METAP1D: variants seen among roughly 807,000 people sequenced by gnomAD.
METAP1D encodes the protein methionine aminopeptidase 1D, mitochondrial.
Under a neutral mutation model 40.5 loss-of-function variants are expected in METAP1D, and 31 were observed. The ratio of observed to expected loss-of-function variants is 0.77; its 90% CI spans 0.58 to 1.03. METAP1D has a LOEUF of 1.03. Among genes scored for constraint, METAP1D ranks in the 50% least tolerant of loss-of-function variants. METAP1D has a pLI of 0.00. For missense variants in METAP1D, 411 were observed against 420.7 expected (o/e 0.98, Z 0.20); for synonymous variants, 151 against 146.4 (o/e 1.03, Z -0.22).
chr2:172,080,047 C>T, intron 8 of METAP1D, 81 bp from the exon 9 acceptor site: 1 of 1,315,704 alleles, frequency 7.6e-7, no homozygotes. Context: ...GGAGAAACTT[C>T]TCTTTTTTAA....
At chr2:172,059,547 G>T (rs1690084923) in intron 1 of METAP1D, among the ~76,000 whole-genome samples, 1 of 152,062 alleles carries the variant, frequency 6.6e-6, no homozygotes, top group Non-Finnish European at 1.5e-5. Flanking sequence ...GGGTAGCTAT[G>T]GTCCAATGAA....
At chr2:172,072,106 G>A (rs947840492) in intron 6 of METAP1D, among the ~76,000 whole-genome samples, 5 of 152,036 alleles carry the variant, frequency 3.3e-5, no homozygotes, top group African/African-American at 4.8e-5. Flanking sequence ...AACTAGCCTG[G>A]GAAAAAAGGA....
chr2:172,025,695 C>T (rs751129165), intron 1 of METAP1D, among the ~76,000 whole-genome samples: 3 of 152,002 alleles, frequency 2.0e-5, no homozygotes, highest in African/African-American at 4.8e-5. Flanking sequence ...GAGATAGAAG[C>T]ATCACCCAAC....
At chr2:172,077,126 C>T (rs952380935) in intron 6 of METAP1D, among the ~76,000 whole-genome samples, 7 of 152,190 alleles carry the variant, frequency 4.6e-5, no homozygotes, top group African/African-American at 1.2e-4. Context: ...ACAATACTAG[C>T]TTATCTTAAG....
intron 1 of METAP1D, among the ~76,000 whole-genome samples, chr2:172,053,696 A>C (rs1461700601): frequency 6.6e-6 from 1 of 152,194 alleles, no homozygotes; most frequent in Non-Finnish European, 1.5e-5. Flanking sequence ...TCAGTAAGAC[A>C]TTTTACAGGG....
At chr2:172,000,243 T>C (rs757204940) in intron 1 of METAP1D, among the ~76,000 whole-genome samples, 1 of 152,256 alleles carries the variant, frequency 6.6e-6, no homozygotes. Context: ...TGGCATCTTT[T>C]CGCAATTACT....
intron 1 of METAP1D, among the ~76,000 whole-genome samples, chr2:172,047,084 G>A (rs899032914): frequency 2.6e-5 from 4 of 152,142 alleles, no homozygotes; most frequent in South Asian, 2.1e-4. Context: ...TTCACACGGC[G>A]TGCTTTGGTT....
At chr2:172,012,909 A>G (rs1460434827) in intron 1 of METAP1D, among the ~76,000 whole-genome samples, 3 of 152,114 alleles carry the variant, frequency 2.0e-5, no homozygotes, top group African/African-American at 7.2e-5. Flanking sequence ...TTTGTTTCCA[A>G]AAGTACATAA....
At chr2:172,034,298 T>C (rs538078316) in intron 1 of METAP1D, among the ~76,000 whole-genome samples, 3 of 152,262 alleles carry the variant, frequency 2.0e-5, no homozygotes, top group Admixed American at 2.0e-4. Context: ...GTTTTTGAAA[T>C]TTTCTATAAT....
At chr2:172,049,572 T>C (rs1689843403) in intron 1 of METAP1D, among the ~76,000 whole-genome samples, 2 of 152,146 alleles carry the variant, frequency 1.3e-5, no homozygotes, top group African/African-American at 2.4e-5. Context: ...AGTATTCATA[T>C]GGTCAACCAG....
In METAP1D at chr2:172,078,040, G is replaced by T. The variant is rs1349278057; in HGVS notation, c.802+146G>T. ...TATGTGCAGGGGGCAGGGGAGGGGG[G>T]TCTGCTTAATTTTAACCGGGACATT... On this transcript the variant is annotated intron_variant, in intron 7 of 9. Transcript: ENST00000315796. 9.5e-5 allele frequency: 30 copies of T among 314,314 alleles called. 1 individual carries two copies. The highest frequency in any genetic ancestry group is 1.5e-4 in the South Asian group (4 of 26,820). The allele number at this position is 314,314 out of a possible 1,614,324, so 19.5% of individuals were successfully genotyped here.
Position 172,043,561 on chromosome 2 carries a change from T to G in METAP1D, c.41-17937T>G, listed in dbSNP as rs146761856. Reference sequence around the variant, plus strand: ...CTTCAATTTTTAAAACTTAAGTTTTTTAAAGAAAAGTACGTTTAATGTTTT... The same window carrying G: ...CTTCAATTTTTAAAACTTAAGTTTTGTAAAGAAAAGTACGTTTAATGTTTT... On this transcript the variant is annotated intron_variant, in intron 1 of 9. Transcript: ENST00000315796. 6.1e-3 allele frequency among the ~76,000 whole-genome samples: 830 copies of G among 135,114 alleles called. 101 individuals are homozygous for G. The highest frequency in any genetic ancestry group is 0.016 in the African/African-American group (646 of 39,888). The allele number at this position is 135,114 out of a possible 152,430, so 88.6% of individuals were successfully genotyped here. A position where few individuals can be genotyped will look rare whatever the true frequency, so the allele number is the denominator to read the frequency against.
At chr2:172,036,881 A>C (rs1303968744) in intron 1 of METAP1D, among the ~76,000 whole-genome samples, 6 of 152,206 alleles carry the variant, frequency 3.9e-5, no homozygotes, top group Admixed American at 3.3e-4. Flanking sequence ...AGACTTTTAA[A>C]TGCTTTATTT....
rs182453452 is a variant in METAP1D, at chr2:172,019,651, C to T, written c.40+19642C>T. 1.4e-3 allele frequency among the ~76,000 whole-genome samples: 215 copies of T among 152,196 alleles called. 1 individual carries two copies. Among genetic ancestry groups the T allele is most frequent in the South Asian group, 6.0e-3 (29 of 4,820 alleles). On this transcript the variant is annotated intron_variant, in intron 1 of 9. Coordinates refer to ENST00000315796, the MANE Select transcript of METAP1D (RefSeq NM_199227.3). Reference sequence around the variant, plus strand: ...ATAATCTCCAAGAGGCCAGGTGCAGCGGCCTCTTCCGTCAAGCCTTAGCAC... The same window carrying T: ...ATAATCTCCAAGAGGCCAGGTGCAGTGGCCTCTTCCGTCAAGCCTTAGCAC...
At chr2:172,044,422 A>T (rs1183617042) in intron 1 of METAP1D, among the ~76,000 whole-genome samples, 1 of 124,406 alleles carries the variant, frequency 8.0e-6, no homozygotes, top group African/African-American at 2.7e-5. Context: ...AAAAAAAAAA[A>T]AAAACCCAAA....
intron 4 of METAP1D, 104 bp from the exon 5 acceptor site, chr2:172,066,160 A>G (rs531083843): frequency 1.2e-6 from 1 of 840,458 alleles, no homozygotes; most frequent in South Asian, 1.6e-5. Flanking sequence ...CCAAATTATC[A>G]CTGCATCCCA....
At chr2:172,075,721 G>GT (rs1690524402) in intron 6 of METAP1D, among the ~76,000 whole-genome samples, 1 of 152,184 alleles carries the variant, frequency 6.6e-6, no homozygotes, top group Admixed American at 6.5e-5. Flanking sequence ...CTTAGTTCCA[G>GT]TAAGTGCTAA....
Position 172,082,406 on chromosome 2 carries a change from C to CCATAA in METAP1D, c.*2000_*2001insCATAA, listed in dbSNP as rs1248260516. On this transcript the variant is annotated 3_prime_UTR_variant, in exon 10 of 10. Transcript: ENST00000315796. ...TATTTATGGGACAAGTTTATAATTCCATTTATTAAAGGGACTAACCTAAAG... is the reference window on the plus strand; with the variant it reads ...TATTTATGGGACAAGTTTATAATTCCCATAAATTTATTAAAGGGACTAACCTAAAG... 2 of 152,188 alleles carry CCATAA rather than the reference C, an allele frequency of 1.3e-5. No homozygotes were observed. Among genetic ancestry groups the CCATAA allele is most frequent in the African/African-American group, 4.8e-5 (2 of 41,424 alleles). 9.4% of individuals were successfully genotyped at this position (152,188 alleles called of 1,614,324 possible).
At chr2:172,063,035 G>A (rs967504596) in intron 2 of METAP1D, among the ~76,000 whole-genome samples, 2 of 152,208 alleles carry the variant, frequency 1.3e-5, no homozygotes, top group African/African-American at 4.8e-5. Flanking sequence ...TGCCCATGGT[G>A]GAGAATGGTC....
Sources: allele counts gnomAD v4.1 joint callset (sites outside exome capture counted in the v4.1 genomes callset), GRCh38; gene constraint gnomAD v4.1.1; transcripts MANE v1.5; gene names NCBI Gene and HGNC (gene_info 2026-07-23, HGNC 2026-07-21).